The following SCHIP1 variants were observed in gnomAD, a reference collection of about 807,000 sequenced individuals.
SCHIP1 encodes schwannomin interacting protein 1, also known as schwannomin-interacting protein 1.
In SCHIP1, 8 loss-of-function variants were observed where a neutral mutation model predicts 29.7. That is an observed-to-expected ratio of 0.27 (90% confidence interval 0.16 to 0.49). SCHIP1 has a LOEUF of 0.49. Among genes scored for constraint, SCHIP1 ranks in the 20% least tolerant of loss-of-function variants. SCHIP1 has a pLI of 0.99. For missense variants in SCHIP1, 193 were observed against 294.6 expected, an observed-to-expected ratio of 0.66 and a Z score of 2.52; for synonymous variants, 76 against 94.9, an observed-to-expected ratio of 0.80 and a Z score of 1.16.
At chr3:159,893,600 T>G (rs1211960205) in intron 6 of SCHIP1, 1 of 152,156 alleles carries the variant, frequency 6.6e-6, no homozygotes, top group South Asian at 2.1e-4. Context: ...GTATTGTCAT[T>G]TCTTTTTTGG....
At chr3:159,565,668 G>GT in the SCHIP1 span, among the ~76,000 whole-genome samples, 338 of 113,248 alleles carry the variant, frequency 3.0e-3, 1 homozygote, top group Non-Finnish European at 5.0e-3. Flanking sequence ...ATAGCCAGAT[G>GT]TTTTTTTGTG....
the SCHIP1 span, among the ~76,000 whole-genome samples, chr3:159,619,694 TTTTG>T: frequency 6.6e-6 from 1 of 152,220 alleles, no homozygotes; most frequent in Non-Finnish European, 1.5e-5. Flanking sequence ...ACTGTACACT[TTTTG>T]TTTGTTGTTA....
the SCHIP1 span, among the ~76,000 whole-genome samples, chr3:159,571,263 G>A: frequency 6.6e-6 from 1 of 152,278 alleles, no homozygotes; most frequent in South Asian, 2.1e-4. Context: ...TATATTGGCT[G>A]TGGGTTTGTC....
chr3:159,610,068 T>G, the SCHIP1 span, among the ~76,000 whole-genome samples: 1 of 152,208 alleles, frequency 6.6e-6, no homozygotes, highest in Non-Finnish European at 1.5e-5. Flanking sequence ...GATGATATTA[T>G]TACCATTTTA....
At chr3:159,888,704 A>T in intron 4 of SCHIP1, 116 bp from the exon 6 acceptor site, 1 of 1,458,578 alleles carries the variant, frequency 6.9e-7, no homozygotes, top group Non-Finnish European at 9.2e-7. Flanking sequence ...GAAAGCTTTT[A>T]ATCACTGAAT....
chr3:159,275,892 G>T, the SCHIP1 span, among the ~76,000 whole-genome samples: 6 of 152,026 alleles, frequency 3.9e-5, no homozygotes, highest in Non-Finnish European at 8.8e-5. Context: ...CTTAAATTTA[G>T]TTGAGTGACA....
chr3:159,763,395 T>C, the SCHIP1 span, among the ~76,000 whole-genome samples: 3 of 151,476 alleles, frequency 2.0e-5, no homozygotes, highest in Admixed American at 6.6e-5. Flanking sequence ...TTCGGCGGGG[T>C]AACGAGTCAC....
At chr3:159,507,527 G>A in the SCHIP1 span, among the ~76,000 whole-genome samples, 1 of 152,126 alleles carries the variant, frequency 6.6e-6, no homozygotes, top group Non-Finnish European at 1.5e-5. Flanking sequence ...GTGAGAGAGG[G>A]CATCCCTGTC....
the SCHIP1 span, among the ~76,000 whole-genome samples, chr3:159,781,398 A>G: frequency 6.6e-6 from 1 of 151,878 alleles, no homozygotes; most frequent in Non-Finnish European, 1.5e-5. Context: ...CTGGTCTCGA[A>G]CTCCTGATCT....
the SCHIP1 span, among the ~76,000 whole-genome samples, chr3:159,425,858 C>T: frequency 6.6e-6 from 1 of 152,170 alleles, no homozygotes; most frequent in Non-Finnish European, 1.5e-5. Context: ...GACCACAGTG[C>T]AATCAAACTA....
chr3:159,456,323 G>A, the SCHIP1 span, among the ~76,000 whole-genome samples: 107 of 152,262 alleles, frequency 7.0e-4, no homozygotes, highest in African/African-American at 2.5e-3. Context: ...GGGAATGATG[G>A]AATAGTGGAC....
the SCHIP1 span, among the ~76,000 whole-genome samples, chr3:159,602,725 GAAAC>G: frequency 8.2e-4 from 123 of 150,582 alleles, 1 homozygote; most frequent in African/African-American, 2.1e-3. Context: ...AAAAAAGAAA[GAAAC>G]AAACAAACAA....
At chr3:159,788,779 A>G in the SCHIP1 span, among the ~76,000 whole-genome samples, 1 of 152,216 alleles carries the variant, frequency 6.6e-6, no homozygotes, top group African/African-American at 2.4e-5. Flanking sequence ...ATATGAACAT[A>G]TGAACCCTGT....
the SCHIP1 span, among the ~76,000 whole-genome samples, chr3:159,626,242 ATCTATC>A: frequency 8.8e-6 from 1 of 113,354 alleles, no homozygotes; most frequent in African/African-American, 4.3e-5. Flanking sequence ...AGATATATCT[ATCTATC>A]TATATAGATA....
At chr3:159,831,257 C>T in the SCHIP1 span, among the ~76,000 whole-genome samples, 12 of 152,216 alleles carry the variant, frequency 7.9e-5, no homozygotes, top group East Asian at 1.9e-4. Context: ...GAATATTAGG[C>T]GGTTCTTTAG....
At chr3:159,714,744 G>A in the SCHIP1 span, among the ~76,000 whole-genome samples, 1 of 152,228 alleles carries the variant, frequency 6.6e-6, no homozygotes, top group Non-Finnish European at 1.5e-5. Context: ...CAAAGCAGCT[G>A]GGAAGCTCGA....
chr3:159,815,132 C>T, the SCHIP1 span, among the ~76,000 whole-genome samples: 1 of 152,130 alleles, frequency 6.6e-6, no homozygotes, highest in Non-Finnish European at 1.5e-5. Flanking sequence ...AAGACCTGTC[C>T]CATCCCATAA....
chr3:159,508,969 A>G, the SCHIP1 span, among the ~76,000 whole-genome samples: 9 of 152,348 alleles, frequency 5.9e-5, no homozygotes, highest in East Asian at 1.9e-4. Flanking sequence ...AGAGTTCTGT[A>G]GATGTCTGTT....
the SCHIP1 span, among the ~76,000 whole-genome samples, chr3:159,413,338 G>C: frequency 1.9e-4 from 29 of 152,302 alleles, no homozygotes; most frequent in African/African-American, 6.7e-4. Flanking sequence ...TGGCGGTTAT[G>C]CAGATTCCCT....
Sources: gnomAD v4.1 joint callset for allele counts (sites outside exome capture counted in the v4.1 genomes callset) on GRCh38, gnomAD v4.1.1 for gene constraint, MANE v1.5 for transcripts, NCBI Gene and HGNC (gene_info 2026-07-23, HGNC 2026-07-21) for gene names.